LRBA: variants seen among roughly 807,000 people sequenced by gnomAD.
The protein encoded by LRBA is LPS responsive beige-like anchor protein, also known as lipopolysaccharide-responsive and beige-like anchor protein.
Under a neutral mutation model 330.0 loss-of-function variants are expected in LRBA, and 176 were observed. The ratio of observed to expected loss-of-function variants is 0.53; its 90% CI spans 0.47 to 0.60. LRBA has a LOEUF of 0.60. LRBA is among the 20% of genes least tolerant of loss of function. The probability of loss-of-function intolerance (pLI) is 0.00; values close to 1 mark genes in which losing one functional copy is unlikely to be tolerated. For missense variants in LRBA, 3,259 were observed against 3,444.8 expected, an observed-to-expected ratio of 0.95 and a Z score of 1.35; for synonymous variants, 1,230 against 1,193.0, an observed-to-expected ratio of 1.03 and a Z score of -0.64.
In LRBA at chr4:150,848,982, A is replaced by AT; in HGVS notation, c.4174dup (p.Ile1392AsnfsTer2). 6.3e-7 allele frequency: 1 copy of AT among 1,595,588 alleles called. No homozygotes were observed. The highest frequency in any genetic ancestry group is 8.5e-7 in the Non-Finnish European group (1 of 1,174,318). Reference sequence around the variant, plus strand: ...TATTGAAAGGCCTTGAGTAGGTTCAATATTTTCCAGTTCATGCTGTAAAGA... The same window carrying AT: ...TATTGAAAGGCCTTGAGTAGGTTCAATTATTTTCCAGTTCATGCTGTAAAGA... On this transcript the variant is annotated frameshift_variant, in exon 26 of 57. Transcript: ENST00000651943. LOFTEE classifies it high-confidence loss of function.
chr4:150,537,085 A>G (rs1002783588), intron 40 of LRBA, among the ~76,000 whole-genome samples: 2 of 152,252 alleles, frequency 1.3e-5, no homozygotes, highest in African/African-American at 4.8e-5. Flanking sequence ...AAACTATACT[A>G]TAAGACTACA....
chr4:150,527,888 CA>C (rs1763641545), intron 40 of LRBA, among the ~76,000 whole-genome samples: 1 of 152,200 alleles, frequency 6.6e-6, no homozygotes, highest in South Asian at 2.1e-4. Context: ...AGACAACTGA[CA>C]TAAGTAGCTG....
At position 150,400,065 on chromosome 4, in the gene LRBA, G is replaced by C. The variant is rs556771259; in HGVS notation, c.7194+15373C>G. On this transcript the variant is annotated intron_variant, in intron 47 of 56. Transcript: ENST00000651943. ...GCAAAGGAAACAGCTTATAAGATGT[G>C]AGAGAACACAGCCATTTTAGAGAAG... Among the ~76,000 whole-genome samples, 7 of 152,322 alleles carry C rather than the reference G, an allele frequency of 4.6e-5. No individual in the cohort carries two copies. The East Asian group carries it at 1.4e-3, about 29-fold the overall frequency.
At chr4:150,843,117 G>A (rs1578968173) in intron 28 of LRBA, among the ~76,000 whole-genome samples, 2 of 152,150 alleles carry the variant, frequency 1.3e-5, no homozygotes, top group Admixed American at 1.3e-4. Context: ...CTCACCTCCT[G>A]CTGTGCAGCC....
At chr4:150,273,834 G>T (rs915750592) in intron 56 of LRBA, among the ~76,000 whole-genome samples, 6 of 152,070 alleles carry the variant, frequency 3.9e-5, no homozygotes, top group African/African-American at 1.2e-4. Context: ...CCTACAAAGA[G>T]ACTTAGACTC....
intron 2 of LRBA, among the ~76,000 whole-genome samples, chr4:150,936,538 T>C (rs1301699215): frequency 6.6e-6 from 1 of 151,812 alleles, no homozygotes; most frequent in Non-Finnish European, 1.5e-5. Flanking sequence ...TTCAGAAAAG[T>C]AGCAGAAAAA....
intron 2 of LRBA, among the ~76,000 whole-genome samples, chr4:150,981,962 CAA>C (rs57550785): frequency 3.4e-4 from 22 of 63,932 alleles, no homozygotes; most frequent in Admixed American, 7.4e-4. Flanking sequence ...GACTCCATCT[CAA>C]AAAAAAAAAA....
Position 150,583,533 on chromosome 4 carries a change from G to A in LRBA, c.6330+4515C>T. 1 of 1,613,902 alleles carries A rather than the reference G, an allele frequency of 6.2e-7. No homozygotes were observed. The highest frequency in any genetic ancestry group is 1.1e-5 in the South Asian group (1 of 91,076). ...TGCGCATCAGGGAGCGCTATGTGGT[G>A]CAAATCACTCCGGCGTTCAAGTGCA... On this transcript the variant is annotated intron_variant, in intron 40 of 56. Transcript: ENST00000651943. The surrounding 1 kb of genome is among the most constrained non-coding windows in gnomAD (Gnocchi z 9.8).
At chr4:150,680,366 A>G (rs1264897067) in intron 37 of LRBA, among the ~76,000 whole-genome samples, 2 of 152,220 alleles carry the variant, frequency 1.3e-5, no homozygotes, top group African/African-American at 4.8e-5. Context: ...AGAGAGAGAG[A>G]GAAAGAACTC....
Position 151,014,860 on chromosome 4 carries a change from C to T in LRBA, c.-218G>A. ...CCCCGAGGCTGACAACAACGCCAAA[C>T]CCTATTGGAAGATTAAATATATGTT... On this transcript the variant is annotated splice_region_variant and 5_prime_UTR_variant, in exon 2 of 57. Coordinates refer to ENST00000651943, the MANE Select transcript of LRBA (RefSeq NM_001364905.1). 1.9e-6 allele frequency: 1 copy of T among 537,490 alleles called. No individual in the cohort carries two copies. The allele number at this position is 537,490 out of a possible 1,614,324, so 33.3% of individuals were successfully genotyped here.
At chr4:150,516,321 G>C (rs34861448) in intron 40 of LRBA, among the ~76,000 whole-genome samples, 3 of 137,158 alleles carry the variant, frequency 2.2e-5, no homozygotes, top group South Asian at 2.3e-4. Flanking sequence ...AAAGCACCTA[G>C]ACTGTACAGT....
intron 2 of LRBA, among the ~76,000 whole-genome samples, chr4:150,991,053 CAAAAAA>C (rs543266001): frequency 1.7e-5 from 1 of 60,016 alleles, no homozygotes; most frequent in East Asian, 4.1e-4. Context: ...ACTCTGTCTC[CAAAAAA>C]AAAAAAAAAA....
chr4:150,831,522 A>T (rs931455417), intron 29 of LRBA, among the ~76,000 whole-genome samples: 1 of 152,224 alleles, frequency 6.6e-6, no homozygotes, highest in African/African-American at 2.4e-5. Flanking sequence ...GTCTCTTAGA[A>T]TATGAGTTAG....
intron 30 of LRBA, among the ~76,000 whole-genome samples, chr4:150,822,335 G>C (rs935138622): frequency 2.0e-5 from 3 of 151,962 alleles, no homozygotes; most frequent in Non-Finnish European, 2.9e-5. Context: ...ATTTTAAAAA[G>C]AAATAAATGC....
chr4:150,414,438 T>A (rs1314119805), intron 47 of LRBA, among the ~76,000 whole-genome samples: 1 of 152,192 alleles, frequency 6.6e-6, no homozygotes. Flanking sequence ...AACTGAGATT[T>A]CACTTTTAAT....
At chr4:150,591,386 A>G (rs1772809231) in intron 38 of LRBA, among the ~76,000 whole-genome samples, 1 of 152,180 alleles carries the variant, frequency 6.6e-6, no homozygotes, top group South Asian at 2.1e-4. Flanking sequence ...GCCATATCTG[A>G]CACTAATAAG....
At chr4:150,837,440 C>G (rs994394313) in intron 28 of LRBA, among the ~76,000 whole-genome samples, 6 of 152,056 alleles carry the variant, frequency 3.9e-5, no homozygotes, top group Non-Finnish European at 8.8e-5. Flanking sequence ...AAGTCTCTTT[C>G]TAGGTCTCTA....
intron 36 of LRBA, among the ~76,000 whole-genome samples, chr4:150,685,413 TATA>T (rs1561513865): frequency 1.4e-4 from 3 of 21,050 alleles, no homozygotes; most frequent in South Asian, 2.5e-3. Flanking sequence ...TATATATATA[TATA>T]TATATTTTTT....
chr4:150,597,470 T>G (rs1281292604), intron 38 of LRBA, among the ~76,000 whole-genome samples: 1 of 151,938 alleles, frequency 6.6e-6, no homozygotes, highest in African/African-American at 2.4e-5. Flanking sequence ...AGCCTATCTA[T>G]GTGCAATTTT....
Sources: allele counts gnomAD v4.1 joint callset (sites outside exome capture counted in the v4.1 genomes callset), GRCh38; gene constraint gnomAD v4.1.1; non-coding constraint Gnocchi (gnomAD v3.1); transcripts MANE v1.5; gene names NCBI Gene and HGNC (gene_info 2026-07-23, HGNC 2026-07-21).